The following CACNA1A variants were observed in gnomAD, a reference collection of about 807,000 sequenced individuals.
The protein encoded by CACNA1A is calcium voltage-gated channel subunit alpha1 A.
CACNA1A carries 57 observed loss-of-function variants against 262.4 expected under a neutral mutation model. The observed-to-expected ratio is 0.22, with a 90% CI of 0.18 to 0.27. The LOEUF is 0.27. Among genes scored for constraint, CACNA1A ranks in the 10% least tolerant of loss-of-function variants. The probability of loss-of-function intolerance (pLI) is 1.00; values close to 1 mark genes in which losing one functional copy is unlikely to be tolerated. For missense variants in CACNA1A, 2,526 were observed against 3,562.8 expected, an observed-to-expected ratio of 0.71 and a Z score of 7.41; for synonymous variants, 1,431 against 1,419.3, an observed-to-expected ratio of 1.01 and a Z score of -0.18.
intron 5 of CACNA1A, among the ~76,000 whole-genome samples, chr19:13,361,799 T>C (rs2059115409): frequency 6.6e-6 from 1 of 152,336 alleles, no homozygotes; most frequent in South Asian, 2.1e-4. Flanking sequence ...AAAAATCTTT[T>C]AAACATAAGG....
chr19:13,253,739 C>T (rs117699508), intron 29 of CACNA1A, among the ~76,000 whole-genome samples: 2,165 of 150,622 alleles, frequency 0.014, 14 homozygotes, highest in Non-Finnish European at 0.016. Context: ...CCACCGTCCC[C>T]GGCTTCCTTA....
intron 15 of CACNA1A, among the ~76,000 whole-genome samples, chr19:13,304,659 C>CGAA (rs2057861109): frequency 9.7e-6 from 1 of 103,446 alleles, no homozygotes; most frequent in Non-Finnish European, 1.9e-5. Context: ...ATTTTTGTCT[C>CGAA]AAAAAAAAAA....
intron 5 of CACNA1A, 90 bp downstream of exon 5, chr19:13,365,227 G>T (rs2059186903): frequency 2.5e-6 from 3 of 1,176,744 alleles, no homozygotes; most frequent in Non-Finnish European, 3.7e-6. Flanking sequence ...CCAGCTGCCA[G>T]GAGAAAGAAG....
chr19:13,502,325 T>A (rs1277662444), intron 1 of CACNA1A, among the ~76,000 whole-genome samples: 1 of 152,200 alleles, frequency 6.6e-6, no homozygotes, highest in Non-Finnish European at 1.5e-5. Flanking sequence ...CTGTGCGTGA[T>A]AATACACTGA....
intron 1 of CACNA1A, among the ~76,000 whole-genome samples, chr19:13,475,101 A>G (rs8104676): frequency 0.94 from 143,271 of 152,298 alleles, 67,500 homozygotes; most frequent in East Asian, 1. Context: ...TGACATTTCC[A>G]AACCTATTGA....
chr19:13,211,812 G>A (rs1233481690), intron 43 of CACNA1A: 1 of 385,606 alleles, frequency 2.6e-6, no homozygotes, highest in Non-Finnish European at 4.8e-6. Flanking sequence ...AACCTCCCCT[G>A]TCTGCAGCCT....
chr19:13,407,078 A>C (rs907766509), intron 3 of CACNA1A, among the ~76,000 whole-genome samples: 2 of 152,110 alleles, frequency 1.3e-5, no homozygotes, highest in African/African-American at 4.8e-5. Flanking sequence ...CAAGTCACTT[A>C]ACTTCTCCAT....
In CACNA1A at chr19:13,286,514, G is replaced by C. The variant is rs1250790986; in HGVS notation, c.3542C>G (p.Thr1181Ser). Reference protein sequence around the residue: ...PPACPPPLNHTVVQVNKNANP... With the variant: ...PPACPPPLNHSVVQVNKNANP... ...GCAGAGGGTCTCACCTTGTACGACG[G>C]TGTGGTTGAGGGGGGGTGGGCAGGC... Residue 1181 changes from threonine to serine, a missense_variant, in exon 20 of 47, where the codon ACC becomes AGC. Physicochemically the swap from Thr to Ser is moderately conservative, Grantham distance 58. Around this residue, in one of 17 missense-constraint regions of CACNA1A, gnomAD observed 765 missense variants for 748.6 expected, o/e 1.02. Transcript: ENST00000360228. The C allele has an allele frequency of 2.7e-6, 4 of 1,459,202 alleles. No homozygotes were observed. Among genetic ancestry groups the C allele is most frequent in the Non-Finnish European group, 3.7e-6 (4 of 1,082,042 alleles). The allele number at this position is 1,459,202 out of a possible 1,614,324, so 90.4% of individuals were successfully genotyped here. A position where few individuals can be genotyped will look rare whatever the true frequency, so the allele number is the denominator to read the frequency against.
At position 13,386,497 on chromosome 19, in the gene CACNA1A, G is replaced by T. The variant is rs540856136; in HGVS notation, c.540-14718C>A. Among the ~76,000 whole-genome samples, 8 of 152,030 alleles carry T rather than the reference G, an allele frequency of 5.3e-5. No homozygotes were observed. In the East Asian group the frequency reaches 1.6e-3, roughly 30 times the overall value. Reference sequence around the variant, plus strand: ...GGCTGGGTAAGTACCTTAGAACTGAGGCAGTCATCGGCCGGGCACAGTGGC... The same window carrying T: ...GGCTGGGTAAGTACCTTAGAACTGATGCAGTCATCGGCCGGGCACAGTGGC... On this transcript the variant is annotated intron_variant, in intron 3 of 46. Coordinates refer to ENST00000360228, the MANE Select transcript of CACNA1A (RefSeq NM_001127222.2).
chr19:13,248,989 G>A (rs531789223), intron 30 of CACNA1A, among the ~76,000 whole-genome samples: 1 of 152,170 alleles, frequency 6.6e-6, no homozygotes, highest in South Asian at 2.1e-4. Flanking sequence ...GATTTTTAGA[G>A]TCCGGGTCTT....
intron 21 of CACNA1A, among the ~76,000 whole-genome samples, chr19:13,284,752 ATTTG>A (rs2057363402): frequency 6.6e-6 from 1 of 152,194 alleles, no homozygotes; most frequent in Non-Finnish European, 1.5e-5. Context: ...CACAGTGAAG[ATTTG>A]TTTATTTATG....
intron 1 of CACNA1A, among the ~76,000 whole-genome samples, chr19:13,461,578 C>G (rs2061125321): frequency 6.6e-6 from 1 of 152,150 alleles, no homozygotes; most frequent in South Asian, 2.1e-4. Context: ...GATGCCTCGC[C>G]CGAGGCAGAA....
chr19:13,305,536 T>G (rs4499352), intron 15 of CACNA1A, among the ~76,000 whole-genome samples: 55,943 of 152,100 alleles, frequency 0.37, 10,807 homozygotes, highest in Middle Eastern at 0.52. Flanking sequence ...TTTCTAAGCC[T>G]CAGCACTGCT....
At chr19:13,440,041 C>A (rs939765711) in intron 3 of CACNA1A, among the ~76,000 whole-genome samples, 1 of 152,066 alleles carries the variant, frequency 6.6e-6, no homozygotes, top group African/African-American at 2.4e-5. Flanking sequence ...CTCACTGCAG[C>A]CTTGACCTCC....
Position 13,460,906 on chromosome 19 carries a change from T to C in CACNA1A, c.294-5694A>G, listed in dbSNP as rs192042928. 1.5e-4 allele frequency among the ~76,000 whole-genome samples: 23 copies of C among 152,274 alleles called. 1 individual carries two copies. In the East Asian group the frequency reaches 4.4e-3, roughly 29 times the overall value. ...CGTCCCCAGTCAAGCATCTGCTATT[T>C]TTTTCCTTCTTTATCTTGTTCCCTG... On this transcript the variant is annotated intron_variant, in intron 1 of 46. Transcript: ENST00000360228.
chr19:13,441,949 A>C (rs2900964), intron 3 of CACNA1A, among the ~76,000 whole-genome samples: 14,426 of 152,238 alleles, frequency 0.095, 751 homozygotes, highest in South Asian at 0.15. Context: ...ATGGCCAAGA[A>C]GCTCAGTATG....
chr19:13,281,435 G>A (rs1218167199), intron 22 of CACNA1A, among the ~76,000 whole-genome samples: 1 of 149,460 alleles, frequency 6.7e-6, no homozygotes. Flanking sequence ...AGCCAAAAAC[G>A]CTCATTCCAG....
Position 13,312,712 on chromosome 19 carries a change from G to A in CACNA1A, c.1625C>T (p.Thr542Met), listed in dbSNP as rs753564161. 9.4e-6 allele frequency: 15 copies of A among 1,593,360 alleles called. No homozygotes were observed. The highest frequency in any genetic ancestry group is 2.3e-5 in the East Asian group (1 of 43,562). ...GAAGGAAGAGTGGAAGTAAGGCCGCGTCCCAAGCCCGTACATTTTTATAAA... is the reference window on the plus strand; with the variant it reads ...GAAGGAAGAGTGGAAGTAAGGCCGCATCCCAAGCCCGTACATTTTTATAAA... ...EMFIKMYGLG[T>M]RPYFHSSFNC... Residue 542 changes from threonine (T) to methionine (M), a missense_variant, in exon 12 of 47, where the codon ACG (threonine) becomes ATG (methionine). Physicochemically the swap from Thr to Met is moderately conservative, Grantham distance 81. Coordinates refer to ENST00000360228, the MANE Select transcript of CACNA1A (RefSeq NM_001127222.2).
At chr19:13,340,715 T>C (rs1600375830) in intron 6 of CACNA1A, among the ~76,000 whole-genome samples, 1 of 152,118 alleles carries the variant, frequency 6.6e-6, no homozygotes, top group Non-Finnish European at 1.5e-5. Flanking sequence ...GTGTGAGCCA[T>C]CACGCCTGGC....
Sources: allele counts gnomAD v4.1 joint callset (sites outside exome capture counted in the v4.1 genomes callset), GRCh38; gene constraint gnomAD v4.1.1; regional missense constraint gnomAD v4.1.1; transcripts MANE v1.5; gene names NCBI Gene and HGNC (gene_info 2026-07-23, HGNC 2026-07-21).